Variants in CECR2 observed in about 807,000 individuals in gnomAD.
CECR2 encodes chromatin remodeling regulator CECR2.
CECR2 carries 30 observed loss-of-function variants against 154.5 expected under a neutral mutation model. The ratio of observed to expected loss-of-function variants is 0.19; its 90% CI spans 0.15 to 0.26. The LOEUF (loss-of-function observed/expected upper bound fraction) is 0.26. CECR2 is among the 10% of genes least tolerant of loss of function. The pLI, the probability that CECR2 is intolerant of heterozygous loss-of-function variation, is 1.00. For synonymous variants in CECR2, 725 were observed against 683.7 expected (o/e 1.06, Z -0.94); for missense variants, 1,743 against 1,829.3 (o/e 0.95, Z 0.86).
intron 8 of CECR2, among the ~76,000 whole-genome samples, chr22:17,521,253 CTG>C (rs1486726790): frequency 6.6e-6 from 1 of 152,114 alleles, no homozygotes; most frequent in Non-Finnish European, 1.5e-5. Context: ...TGAGAAGCAT[CTG>C]TTCGGCCGGG....
At chr22:17,393,087 T>TA (rs1327727570) in intron 1 of CECR2, among the ~76,000 whole-genome samples, 2 of 152,178 alleles carry the variant, frequency 1.3e-5, no homozygotes, top group Non-Finnish European at 2.9e-5. Flanking sequence ...TACAAATAGT[T>TA]ACAACTGTTG....
In CECR2 at chr22:17,524,225, G is replaced by A. The variant is rs1160487120; in HGVS notation, c.1062G>A (p.Lys354=). ...VQKKEQEQML[K]EERKRELEEK... ...AGAAGGAGCAGGAGCAGATGCTAAA[G>A]GAAGAGAGGAAACGCGAGTTGGAGG... Residue 354 remains lysine, a synonymous_variant, in exon 9 of 19, where the codon AAG becomes AAA. Coordinates refer to ENST00000262608, the MANE Select transcript of CECR2 (RefSeq NM_001290047.2). The A allele has an allele frequency of 6.2e-7, 1 of 1,610,076 alleles. No homozygotes were observed. Among genetic ancestry groups the A allele is most frequent in the East Asian group, 2.2e-5 (1 of 44,748 alleles).
At chr22:17,451,807 C>T (rs930401599) in intron 1 of CECR2, among the ~76,000 whole-genome samples, 3 of 152,206 alleles carry the variant, frequency 2.0e-5, no homozygotes, top group African/African-American at 7.2e-5. Flanking sequence ...GAGTTCCTAC[C>T]TTTGGTGTAT....
intron 1 of CECR2, among the ~76,000 whole-genome samples, chr22:17,438,583 A>C (rs2054539712): frequency 2.0e-5 from 3 of 152,112 alleles, no homozygotes; most frequent in Non-Finnish European, 4.4e-5. Flanking sequence ...GAATGAGGCC[A>C]ACACAAATTC....
intron 1 of CECR2, among the ~76,000 whole-genome samples, chr22:17,381,187 A>G (rs764065792): frequency 5.9e-5 from 9 of 152,170 alleles, no homozygotes; most frequent in Non-Finnish European, 1.0e-4. Context: ...CCACTCTTAC[A>G]CTGGCATTGA....
At chr22:17,516,625 CG>C (rs2056061461) in intron 8 of CECR2, among the ~76,000 whole-genome samples, 1 of 137,774 alleles carries the variant, frequency 7.3e-6, no homozygotes, top group Admixed American at 7.3e-5. Context: ...TGTTTTGAGA[CG>C]GAGTTTTGCC....
chr22:17,370,352 C>T (rs1268475580), intron 1 of CECR2, among the ~76,000 whole-genome samples: 5 of 148,446 alleles, frequency 3.4e-5, no homozygotes, highest in Admixed American at 3.3e-4. Flanking sequence ...TAACTCGGAC[C>T]GGGGCGGGAG....
At chr22:17,395,034 G>A (rs546897428) in intron 1 of CECR2, among the ~76,000 whole-genome samples, 1 of 152,206 alleles carries the variant, frequency 6.6e-6, no homozygotes, top group Non-Finnish European at 1.5e-5. Flanking sequence ...ATGGATCCTT[G>A]TACCTACCAT....
At chr22:17,405,961 CT>C (rs2053978195) in intron 1 of CECR2, among the ~76,000 whole-genome samples, 1 of 152,140 alleles carries the variant, frequency 6.6e-6, no homozygotes, top group African/African-American at 2.4e-5. Context: ...AGGTCTTCCC[CT>C]TTTCCCTTTC....
intron 1 of CECR2, among the ~76,000 whole-genome samples, chr22:17,378,292 TTTTTTTG>T (rs1225888652): frequency 1.3e-5 from 2 of 148,384 alleles, no homozygotes; most frequent in South Asian, 4.3e-4. Context: ...TGTTTTTTTG[TTTTTTTG>T]TTTTTTTGTT....
At chr22:17,405,348 G>T (rs1013958137) in intron 1 of CECR2, among the ~76,000 whole-genome samples, 1 of 151,816 alleles carries the variant, frequency 6.6e-6, no homozygotes, top group African/African-American at 2.4e-5. Flanking sequence ...GGAGGTGGAG[G>T]TTGCAGTGAG....
At chr22:17,400,634 C>T (rs925045374) in intron 1 of CECR2, among the ~76,000 whole-genome samples, 3 of 152,184 alleles carry the variant, frequency 2.0e-5, no homozygotes, top group Non-Finnish European at 2.9e-5. Context: ...GACAGAAAGT[C>T]TGAGAAGGGC....
intron 9 of CECR2, among the ~76,000 whole-genome samples, chr22:17,528,964 G>A (rs1052247972): frequency 6.6e-6 from 1 of 152,080 alleles, no homozygotes; most frequent in Non-Finnish European, 1.5e-5. Flanking sequence ...GGGCGTGGTG[G>A]CTCCATCTGT....
chr22:17,381,714 G>A (rs5747086), intron 1 of CECR2, among the ~76,000 whole-genome samples: 12,976 of 152,034 alleles, frequency 0.085, 1,473 homozygotes, highest in African/African-American at 0.26. Flanking sequence ...GGCAGCAGTG[G>A]TATTGTGAAA....
intron 1 of CECR2, among the ~76,000 whole-genome samples, chr22:17,465,319 T>C (rs1202628083): frequency 2.6e-5 from 4 of 151,374 alleles, no homozygotes; most frequent in African/African-American, 4.9e-5. Context: ...TAAACTGTTT[T>C]TGTGTTTTAT....
At chr22:17,515,470 G>A (rs937504947) in intron 8 of CECR2, among the ~76,000 whole-genome samples, 12 of 152,220 alleles carry the variant, frequency 7.9e-5, no homozygotes, top group Admixed American at 2.0e-4. Flanking sequence ...TACTATTTAC[G>A]TTTTTACGTA....
intron 17 of CECR2, among the ~76,000 whole-genome samples, chr22:17,550,982 C>T (rs17809189): frequency 0.16 from 23,675 of 152,082 alleles, 2,138 homozygotes; most frequent in East Asian, 0.44. Context: ...AAACCAGTAC[C>T]ATTCAGCATA....
chr22:17,371,755 T>G (rs149510764), intron 1 of CECR2, among the ~76,000 whole-genome samples: 247 of 152,318 alleles, frequency 1.6e-3, no homozygotes, highest in African/African-American at 5.5e-3. Context: ...GTTCAGAGTT[T>G]AAAGACCCAT....
intron 9 of CECR2, chr22:17,525,004 T>A: frequency 6.2e-6 from 1 of 161,154 alleles, no homozygotes; most frequent in South Asian, 1.1e-4. Context: ...AAATGAGGGG[T>A]CAGGCACAGT....
Sources: gnomAD v4.1 joint callset for allele counts (sites outside exome capture counted in the v4.1 genomes callset) on GRCh38, gnomAD v4.1.1 for gene constraint, MANE v1.5 for transcripts, NCBI Gene and HGNC (gene_info 2026-07-23, HGNC 2026-07-21) for gene names.